Variants in APC observed in about 807,000 individuals in gnomAD.
APC encodes adenomatous polyposis coli protein.
In APC, 72 loss-of-function variants were observed where a neutral mutation model predicts 247.0. The ratio of observed to expected loss-of-function variants is 0.29; its 90% confidence interval spans 0.24 to 0.35. The LOEUF is 0.35. Among genes scored for constraint, APC ranks in the 10% least tolerant of loss-of-function variants. The pLI is 1.00. For synonymous variants in APC, 1,254 were observed against 1,162.5 expected, an observed-to-expected ratio of 1.08 and a Z score of -1.60; for missense variants, 3,400 against 3,360.7, an observed-to-expected ratio of 1.01 and a Z score of -0.29.
At chr5:112,828,081 CT>C in intron 13 of APC, 75 bp downstream of exon 13, 2 of 1,234,922 alleles carry the variant, frequency 1.6e-6, no homozygotes, top group Non-Finnish European at 2.3e-6. Flanking sequence ...GTCACCCAGG[CT>C]TAGAGGGCAG....
At chr5:112,747,773 C>T (rs1317411125) in intron 1 of APC, among the ~76,000 whole-genome samples, 1 of 152,130 alleles carries the variant, frequency 6.6e-6, no homozygotes, top group East Asian at 1.9e-4. Context: ...GATTCTAAGA[C>T]TTCCTAGTTC....
At chr5:112,749,131 C>T (rs1379183651) in intron 1 of APC, among the ~76,000 whole-genome samples, 1 of 152,134 alleles carries the variant, frequency 6.6e-6, no homozygotes, top group African/African-American at 2.4e-5. Flanking sequence ...GCACTCTACT[C>T]GCATTCCTGG....
chr5:112,761,057 A>C (rs1755605752), intron 2 of APC, among the ~76,000 whole-genome samples: 1 of 151,932 alleles, frequency 6.6e-6, no homozygotes, highest in South Asian at 2.1e-4. Context: ...GATCCACCTG[A>C]CTCGGCCTCC....
chr5:112,833,402 C>T (rs954637875), intron 14 of APC, among the ~76,000 whole-genome samples: 4 of 151,998 alleles, frequency 2.6e-5, no homozygotes, highest in Non-Finnish European at 5.9e-5. Flanking sequence ...AGGATGGTCT[C>T]GATCTCCTGA....
In APC at chr5:112,840,361, T is replaced by C. The variant is rs181255489; in HGVS notation, c.4767T>C (p.Arg1589=). ...IISAMPTKSS[R]KAKKPAQTAS... ...CTGCCATGCCAACAAAGTCATCACGTAAAGCAAAAAAGCCAGCCCAGACTG... is the reference window on the plus strand; with the variant it reads ...CTGCCATGCCAACAAAGTCATCACGCAAAGCAAAAAAGCCAGCCCAGACTG... Residue 1589 remains arginine (R), a synonymous_variant, in exon 16 of 16, where the codon CGT becomes CGC. Coordinates refer to ENST00000257430, the MANE Select transcript of APC (RefSeq NM_000038.6). This position sits in a 1 kb window ranked among gnomAD's most constrained non-coding sequence, Gnocchi z 4.1. 6.2e-7 allele frequency: 1 copy of C among 1,614,200 alleles called. No homozygotes were observed. Among genetic ancestry groups the C allele is most frequent in the East Asian group, 2.2e-5 (1 of 44,888 alleles).
chr5:112,771,359 T>G (rs1013743982), intron 4 of APC, among the ~76,000 whole-genome samples: 1 of 152,150 alleles, frequency 6.6e-6, no homozygotes, highest in Non-Finnish European at 1.5e-5. Context: ...CTGATCTAAT[T>G]TGTACCATTT....
chr5:112,768,530 T>A (rs1172131519), intron 4 of APC, among the ~76,000 whole-genome samples: 2 of 151,044 alleles, frequency 1.3e-5, no homozygotes, highest in Non-Finnish European at 3.0e-5. Flanking sequence ...TTTTTTTTTT[T>A]ACTTTATAAA....
intron 1 of APC, among the ~76,000 whole-genome samples, chr5:112,722,757 T>C (rs1011042231): frequency 6.6e-6 from 1 of 152,154 alleles, no homozygotes; most frequent in South Asian, 2.1e-4. Flanking sequence ...GAGTGAGATA[T>C]AGGGGCAGGG....
Position 112,839,941 on chromosome 5 carries a change from G to A in APC, c.4347G>A (p.Lys1449=), listed in dbSNP as rs759982621. The change falls in exon 16 of 16, where the codon AAG becomes AAA. Residue 1449 remains lysine, a synonymous_variant. Transcript: ENST00000257430. This position sits in a 1 kb window ranked among gnomAD's most constrained non-coding sequence, Gnocchi z 5.0. The part of the protein sequence containing the change: ...PPPPPQTAQT[K]REVPKNKAPT... Reference sequence around the variant, plus strand: ...CACCTCCTCAAACAGCTCAAACCAAGCGAGAAGTACCTAAAAATAAAGCAC... The same window carrying A: ...CACCTCCTCAAACAGCTCAAACCAAACGAGAAGTACCTAAAAATAAAGCAC... 1.2e-6 allele frequency: 2 copies of A among 1,614,082 alleles called. No individual in the cohort carries two copies. Among genetic ancestry groups the A allele is most frequent in the Non-Finnish European group, 1.7e-6 (2 of 1,180,012 alleles).
intron 1 of APC, among the ~76,000 whole-genome samples, chr5:112,725,478 G>A (rs531344419): frequency 6.6e-6 from 1 of 152,248 alleles, no homozygotes; most frequent in East Asian, 1.9e-4. Flanking sequence ...GAGGGGCCGG[G>A]CACAGTGGCT....
chr5:112,755,185 G>T (rs1754829340), intron 2 of APC, 160 bp downstream of exon 2: 1 of 613,384 alleles, frequency 1.6e-6, no homozygotes, highest in Non-Finnish European at 2.0e-6. Flanking sequence ...TTTTAAATAA[G>T]ATATATTGAA....
rs1561574950 is a variant in APC, at chr5:112,837,703, A to G, written c.2109A>G (p.Ala703=). Residue 703 remains alanine, a synonymous_variant, in exon 16 of 16, where the codon GCA becomes GCG. Coordinates refer to ENST00000257430, the MANE Select transcript of APC (RefSeq NM_000038.6). ...KDQEALWDMG[A]VSMLKNLIHS... Reference sequence around the variant, plus strand: ...AGGAAGCATTATGGGACATGGGGGCAGTTAGCATGCTCAAGAACCTCATTC... The same window carrying G: ...AGGAAGCATTATGGGACATGGGGGCGGTTAGCATGCTCAAGAACCTCATTC... The G allele has an allele frequency of 1.2e-6, 2 of 1,614,208 alleles. No individual in the cohort carries two copies. Among genetic ancestry groups the G allele is most frequent in the Non-Finnish European group, 1.7e-6 (2 of 1,180,034 alleles).
chr5:112,833,086 G>A (rs570651535), intron 14 of APC, among the ~76,000 whole-genome samples: 1 of 150,066 alleles, frequency 6.7e-6, no homozygotes, highest in Admixed American at 6.6e-5. Flanking sequence ...GTCTCACTCT[G>A]CCACACAGCC....
chr5:112,819,975 C>G (rs2149786513), intron 10 of APC, among the ~76,000 whole-genome samples: 1 of 152,246 alleles, frequency 6.6e-6, no homozygotes, highest in South Asian at 2.1e-4. Context: ...CTGTACCATC[C>G]AGCTGTAGAC....
chr5:112,734,553 T>C (rs1304403570), upstream of APC, among the ~76,000 whole-genome samples: 4 of 152,196 alleles, frequency 2.6e-5, no homozygotes, highest in Admixed American at 1.3e-4. Context: ...CTTGTTGATA[T>C]CTGTAGGCAT....
chr5:112,713,631 T>C (rs1169260876), intron 1 of APC, among the ~76,000 whole-genome samples: 1 of 152,202 alleles, frequency 6.6e-6, no homozygotes, highest in Non-Finnish European at 1.5e-5. Context: ...TTTAAAACAC[T>C]GTTTACACCA....
Position 112,841,767 on chromosome 5 carries a change from G to A in APC, c.6173G>A (p.Gly2058Asp), listed in dbSNP as rs150140908. Residue 2058 changes from glycine to aspartate, a missense_variant, in exon 16 of 16, where the codon GGT becomes GAT. Physicochemically the swap from Gly to Asp is moderately conservative, Grantham distance 94. Transcript: ENST00000257430. The surrounding 1 kb of genome is among the most constrained non-coding windows in gnomAD (Gnocchi z 4.6). ...AAGAAAAAGCCTTCAAGACTCAAGG[G>A]TGATAATGAAAAACATAGTCCCAGA... ...PKKKKPSRLKGDNEKHSPRNM... is the reference protein window; with the variant it reads ...PKKKKPSRLKDDNEKHSPRNM... 15 of 1,613,934 alleles carry A rather than the reference G, an allele frequency of 9.3e-6. No individual in the cohort carries two copies. In the African/African-American group the frequency reaches 1.2e-4, roughly 13 times the overall value.
At chr5:112,793,689 A>C (rs1277841341) in intron 7 of APC, among the ~76,000 whole-genome samples, 6 of 152,190 alleles carry the variant, frequency 3.9e-5, no homozygotes, top group African/African-American at 1.4e-4. Flanking sequence ...AAATAAAAGG[A>C]GTTCCAAAAA....
At position 112,839,312 on chromosome 5, in the gene APC, A is replaced by G. The variant is rs1554085252; in HGVS notation, c.3718A>G (p.Ser1240Gly). 1 of 1,614,006 alleles carries G rather than the reference A, an allele frequency of 6.2e-7. No individual in the cohort carries two copies. The highest frequency in any genetic ancestry group is 8.5e-7 in the Non-Finnish European group (1 of 1,179,938). Residue 1240 changes from serine to glycine, a missense_variant, in exon 16 of 16, where the codon AGT becomes GGT. Physicochemically the swap from Ser to Gly is moderately conservative, Grantham distance 56. Transcript: ENST00000257430. This position sits in a 1 kb window ranked among gnomAD's most constrained non-coding sequence, Gnocchi z 5.0. Reference sequence around the variant, plus strand: ...CCATCCAAGTTCTGCACAGAGTAGAAGTGGTCAGCCTCAAAAGGCTGCCAC... The same window carrying G: ...CCATCCAAGTTCTGCACAGAGTAGAGGTGGTCAGCCTCAAAAGGCTGCCAC... ...QLHPSSAQSRSGQPQKAATCK... is the reference protein window; with the variant it reads ...QLHPSSAQSRGGQPQKAATCK...
Sources: gnomAD v4.1 joint callset for allele counts (sites outside exome capture counted in the v4.1 genomes callset) on GRCh38, gnomAD v4.1.1 for gene constraint, Gnocchi (gnomAD v3.1) non-coding constraint, MANE v1.5 for transcripts, NCBI Gene and HGNC (gene_info 2026-07-23, HGNC 2026-07-21) for gene names.